TRIOBP: variants seen among roughly 807,000 people sequenced by gnomAD.
TRIOBP encodes the protein TRIO and F-actin binding protein.
Under a neutral mutation model 238.8 loss-of-function variants are expected in TRIOBP, and 169 were observed. The ratio of observed to expected loss-of-function variants is 0.71; its 90% CI spans 0.62 to 0.80. The LOEUF (loss-of-function observed/expected upper bound fraction) is 0.80. Ranked by LOEUF, TRIOBP falls within the 30% of genes least tolerant of loss-of-function variation. The pLI is 0.00. For synonymous variants in TRIOBP, 1,150 were observed against 1,274.4 expected (o/e 0.90, Z 2.08); for missense variants, 2,838 against 3,122.6 (o/e 0.91, Z 2.17).
At chr22:37,747,479 T>G (rs1309630923) in intron 11 of TRIOBP, among the ~76,000 whole-genome samples, 1 of 151,970 alleles carries the variant, frequency 6.6e-6, no homozygotes. Context: ...CGGGCTGGGC[T>G]GCTGGGGGGC....
chr22:37,740,840 G>C, intron 10 of TRIOBP, 55 bp from the exon 11 acceptor site: 1 of 1,551,950 alleles, frequency 6.4e-7, no homozygotes, highest in Non-Finnish European at 8.7e-7. Context: ...TGTAGCCAGG[G>C]GTGCCCCCAT....
chr22:37,726,238 T>C lies in TRIOBP; in HGVS notation c.3682T>C (p.Ser1228Pro), dbSNP rs758129347. 2.0e-5 allele frequency: 33 copies of C among 1,610,274 alleles called. No homozygotes were observed. In the East Asian group the frequency reaches 7.4e-4, roughly 36 times the overall value. The change falls in exon 7 of 24, where the codon TCC becomes CCC. Residue 1228 changes from serine to proline, a missense_variant. By Grantham distance (74) the Ser-to-Pro change is moderately conservative (BLOSUM62 -1). Coordinates refer to ENST00000644935, the MANE Select transcript of TRIOBP (RefSeq NM_001039141.3). ...GCACCGGGATGCACCCCGAGCCTCCTCCCCACCCCGCCACCCACCCAGTGA... is the reference window on the plus strand; with the variant it reads ...GCACCGGGATGCACCCCGAGCCTCCCCCCCACCCCGCCACCCACCCAGTGA... The part of the protein sequence containing the change: ...IGHRDAPRAS[S>P]PPRHPPSDLA...
rs201532915 is a variant in TRIOBP at position 37,715,878 on chromosome 22, C to T, written c.572C>T (p.Pro191Leu). The T allele has an allele frequency of 1.4e-4, 221 of 1,613,606 alleles. No individual in the cohort carries two copies. Among genetic ancestry groups the T allele is most frequent in the African/African-American group, 1.2e-4 (9 of 74,896 alleles). The part of the protein sequence containing the change: ...GPRADSSQRA[P>L]SLLTRSPVGG... ...AGAGCTGACAGCTCCCAAAGGGCTC[C>T]GTCTCTCCTCACCAGGTCCCCTGTG... The change falls in exon 6 of 24, where the codon CCG becomes CTG. Residue 191 changes from proline (P) to leucine (L), a missense_variant. Pro to Leu is a moderately conservative substitution (Grantham distance 98, BLOSUM62 -3). Transcript: ENST00000644935.
In TRIOBP at chr22:37,746,302, C is replaced by T. The variant is rs1925256393; in HGVS notation, c.5322+5270C>T. On this transcript the variant is annotated intron_variant, in intron 11 of 23. Transcript: ENST00000644935. The stretch of plus-strand genomic sequence containing the variant: ...GAAGGGCCGGAGGCGCGGCGGCGGG[C>T]GGCCGAGAGGGGCGGCGGCGGCGGC... 1.9e-5 allele frequency: 21 copies of T among 1,105,258 alleles called. No individual in the cohort carries two copies. In the South Asian group the frequency reaches 8.1e-4, roughly 43 times the overall value. 68.5% of individuals were successfully genotyped at this position (1,105,258 alleles called of 1,614,324 possible).
intron 4 of TRIOBP, among the ~76,000 whole-genome samples, chr22:37,712,080 A>G (rs1462047087): frequency 6.6e-6 from 1 of 151,410 alleles, no homozygotes; most frequent in African/African-American, 2.4e-5. Flanking sequence ...GGGCTGGGGC[A>G]ATAGTTTTGG....
At chr22:37,769,441 C>T (rs948660154) in intron 21 of TRIOBP, 66 bp downstream of exon 21, 20 of 1,440,544 alleles carry the variant, frequency 1.4e-5, no homozygotes, top group South Asian at 3.7e-5. Context: ...GGGGCACCCC[C>T]GCCATAGGCT....
At chr22:37,713,008 C>CAA (rs1232130357) in intron 4 of TRIOBP, among the ~76,000 whole-genome samples, 1 of 141,270 alleles carries the variant, frequency 7.1e-6, no homozygotes. Flanking sequence ...AATAAAATTA[C>CAA]AAAAAAAAAA....
At chr22:37,705,813 C>T (rs1443964530) in intron 3 of TRIOBP, among the ~76,000 whole-genome samples, 2 of 152,094 alleles carry the variant, frequency 1.3e-5, no homozygotes, top group East Asian at 3.9e-4. Context: ...TGGCCTCAAG[C>T]AATCTGCCCT....
At position 37,710,101 on chromosome 22, in the gene TRIOBP, C is replaced by T. The variant is rs62236745; in HGVS notation, c.115-326C>T. On this transcript the variant is annotated intron_variant, in intron 3 of 23. Coordinates refer to ENST00000644935, the MANE Select transcript of TRIOBP (RefSeq NM_001039141.3). Reference sequence around the variant, plus strand: ...GCAAACGTACAGATCGGTGTACCCGCGGGACCTGCGTAGACACGCATGCGC... The same window carrying T: ...GCAAACGTACAGATCGGTGTACCCGTGGGACCTGCGTAGACACGCATGCGC... Among the ~76,000 whole-genome samples, 37,852 of 152,280 alleles carry T rather than the reference C, an allele frequency of 0.25. 5,652 individuals are homozygous for T. The highest frequency in any genetic ancestry group is 0.4 in the South Asian group (1,936 of 4,834).
At position 37,772,695 on chromosome 22, in the gene TRIOBP, A is replaced by G; in HGVS notation, c.7031A>G (p.Glu2344Gly). 6.2e-7 allele frequency: 1 copy of G among 1,614,100 alleles called. No individual in the cohort carries two copies. Among genetic ancestry groups the G allele is most frequent in the East Asian group, 2.2e-5 (1 of 44,876 alleles). ...RSEREIEQLK[E>G]HLRLAMAALQ... ...GAGCGGGAGATCGAGCAGCTGAAGGAGCACCTGCGTCTTGCCATGGCCGCC... is the reference window on the plus strand; with the variant it reads ...GAGCGGGAGATCGAGCAGCTGAAGGGGCACCTGCGTCTTGCCATGGCCGCC... Residue 2344 changes from glutamate to glycine, a missense_variant, in exon 23 of 24, where the codon GAG becomes GGG. Physicochemically the swap from Glu to Gly is moderately conservative, Grantham distance 98. This residue lies in a region of TRIOBP where 2,096 missense variants were observed against 2,137.4 expected (regional missense o/e 0.98). Coordinates refer to ENST00000644935, the MANE Select transcript of TRIOBP (RefSeq NM_001039141.3).
At chr22:37,700,174 G>T (rs1261175775) in intron 2 of TRIOBP, among the ~76,000 whole-genome samples, 1 of 152,130 alleles carries the variant, frequency 6.6e-6, no homozygotes, top group African/African-American at 2.4e-5. Flanking sequence ...ACCGCCCTCG[G>T]CTGGAATCAC....
At chr22:37,699,708 A>G (rs1922546139) in intron 2 of TRIOBP, among the ~76,000 whole-genome samples, 3 of 151,484 alleles carry the variant, frequency 2.0e-5, no homozygotes, top group Admixed American at 1.3e-4. Context: ...TGCCTGGCTA[A>G]TTTTGTATTT....
intron 16 of TRIOBP, among the ~76,000 whole-genome samples, chr22:37,758,672 T>C (rs1166271462): frequency 8.9e-5 from 13 of 145,364 alleles, no homozygotes; most frequent in Non-Finnish European, 1.8e-4. Flanking sequence ...AGCCCGACTT[T>C]GTCTCAGATT....
chr22:37,737,698 A>G (rs1924740975), intron 9 of TRIOBP, among the ~76,000 whole-genome samples: 1 of 149,638 alleles, frequency 6.7e-6, no homozygotes, highest in Non-Finnish European at 1.5e-5. Flanking sequence ...CATGGCACTC[A>G]AGGCCGGCTT....
chr22:37,734,110 A>G (rs995817842), intron 8 of TRIOBP, among the ~76,000 whole-genome samples: 2 of 152,214 alleles, frequency 1.3e-5, no homozygotes. Flanking sequence ...TTGGTGGTGG[A>G]GGTTCTGGCA....
At position 37,715,933 on chromosome 22, in the gene TRIOBP, G is replaced by A. The variant is rs1319594975; in HGVS notation, c.627G>A (p.Glu209=). 3 of 1,612,332 alleles carry A rather than the reference G, an allele frequency of 1.9e-6. No homozygotes were observed. The highest frequency in any genetic ancestry group is 2.7e-5 in the African/African-American group (2 of 74,880). Residue 209 remains glutamate (E), a splice_region_variant and synonymous_variant, in exon 6 of 24, where the codon GAG becomes GAA. Transcript: ENST00000644935. ...VGGDAAGQKK[E]DTGGGGRSAG... Reference sequence around the variant, plus strand: ...GAGATGCTGCAGGCCAGAAAAAGGAGGGTGAGTCCTTCTGCCAGGTTGGTT... The same window carrying A: ...GAGATGCTGCAGGCCAGAAAAAGGAAGGTGAGTCCTTCTGCCAGGTTGGTT...
chr22:37,762,668 A>G (rs1250746900), intron 17 of TRIOBP, among the ~76,000 whole-genome samples: 1 of 152,166 alleles, frequency 6.6e-6, no homozygotes, highest in African/African-American at 2.4e-5. Context: ...AGAGCTGAAG[A>G]CCAGGCAGGT....
At chr22:37,761,958 C>A (rs866322066) in intron 17 of TRIOBP, among the ~76,000 whole-genome samples, 3 of 140,054 alleles carry the variant, frequency 2.1e-5, no homozygotes, top group Middle Eastern at 3.5e-3. Context: ...CAGGGGGCTT[C>A]TGCCTGCGTG....
intron 6 of TRIOBP, among the ~76,000 whole-genome samples, chr22:37,717,018 G>A (rs1923555598): frequency 6.6e-6 from 1 of 152,192 alleles, no homozygotes; most frequent in South Asian, 2.1e-4. Context: ...CAAGAATGAA[G>A]CGGCAGACCC....
Sources: allele counts gnomAD v4.1 joint callset (sites outside exome capture counted in the v4.1 genomes callset), GRCh38; gene constraint gnomAD v4.1.1; regional missense constraint gnomAD v4.1.1; transcripts MANE v1.5; gene names NCBI Gene and HGNC (gene_info 2026-07-23, HGNC 2026-07-21).